Variants in DROSHA observed in about 807,000 individuals in gnomAD.
DROSHA encodes the protein drosha ribonuclease III.
DROSHA carries 56 observed loss-of-function variants against 181.9 expected under a neutral mutation model. That is an observed-to-expected ratio of 0.31 (90% CI 0.25 to 0.38). DROSHA has a LOEUF of 0.38. Among genes scored for constraint, DROSHA ranks in the 10% least tolerant of loss-of-function variants. The probability of loss-of-function intolerance (pLI) is 1.00; values close to 1 mark genes in which losing one functional copy is unlikely to be tolerated. For missense variants in DROSHA, 1,218 were observed against 1,743.5 expected, an observed-to-expected ratio of 0.70 and a Z score of 5.37; for synonymous variants, 524 against 591.2, an observed-to-expected ratio of 0.89 and a Z score of 1.65.
At position 31,400,791 on chromosome 5, in the gene DROSHA, A is replaced by T. The variant is rs2149980622; in HGVS notation, c.*641T>A. On this transcript the variant is annotated 3_prime_UTR_variant, in exon 36 of 36. Coordinates refer to ENST00000344624, the MANE Select transcript of DROSHA (RefSeq NM_001382508.1). ...CCCAGGGTGAGAGCACTTGGTTTAAAGTGTGGCCTGGCTTAGAATCATGAT... is the reference window on the plus strand; with the variant it reads ...CCCAGGGTGAGAGCACTTGGTTTAATGTGTGGCCTGGCTTAGAATCATGAT... 1 of 153,154 alleles carries T rather than the reference A, an allele frequency of 6.5e-6. No individual in the cohort carries two copies. The highest frequency in any genetic ancestry group is 1.9e-4 in the East Asian group (1 of 5,222). 9.5% of individuals were successfully genotyped at this position (153,154 alleles called of 1,614,324 possible).
At chr5:31,457,982 A>T (rs1010679677) in intron 20 of DROSHA, among the ~76,000 whole-genome samples, 8 of 152,228 alleles carry the variant, frequency 5.3e-5, no homozygotes, top group African/African-American at 9.6e-5. Flanking sequence ...TGGCATAACC[A>T]CGGGATACAG....
intron 19 of DROSHA, among the ~76,000 whole-genome samples, chr5:31,465,866 T>C (rs1748939243): frequency 6.6e-6 from 1 of 152,156 alleles, no homozygotes; most frequent in Non-Finnish European, 1.5e-5. Flanking sequence ...GCCAAGCAGA[T>C]GCTGGTGCCA....
chr5:31,445,427 C>T (rs940808379), intron 23 of DROSHA, among the ~76,000 whole-genome samples: 5 of 152,110 alleles, frequency 3.3e-5, no homozygotes, highest in Middle Eastern at 3.2e-3. Context: ...GAAAAGCTAA[C>T]GTACAAAACT....
intron 13 of DROSHA, chr5:31,488,876 T>C (rs1752081813): frequency 6.6e-6 from 1 of 152,170 alleles, no homozygotes; most frequent in Non-Finnish European, 1.5e-5. Context: ...ACAGTGACCA[T>C]TCTGATGTGG....
chr5:31,494,008 C>A (rs1752693094), intron 12 of DROSHA, among the ~76,000 whole-genome samples: 1 of 144,024 alleles, frequency 6.9e-6, no homozygotes, highest in Admixed American at 6.9e-5. Context: ...TCACTCTCTT[C>A]CCCAGGCTGG....
intron 16 of DROSHA, among the ~76,000 whole-genome samples, chr5:31,474,317 A>G (rs976389529): frequency 9.2e-5 from 14 of 152,154 alleles, no homozygotes; most frequent in Non-Finnish European, 8.8e-5. Context: ...CCATAGTGTT[A>G]TGGACTCAAT....
At position 31,526,538 on chromosome 5, in the gene DROSHA, A is replaced by T; in HGVS notation, c.395T>A (p.Val132Asp). 6.4e-7 allele frequency: 1 copy of T among 1,555,708 alleles called. No homozygotes were observed. The highest frequency in any genetic ancestry group is 1.2e-5 in the South Asian group (1 of 81,242). Residue 132 changes from valine (V) to aspartate (D), a missense_variant, in exon 5 of 36, where the codon GTC (valine) becomes GAC (aspartate). Transcript: ENST00000344624. Reference sequence around the variant, plus strand: ...GCCTTGTCCAGGAGGTGCCCCAGGGACTGGGGGGTTATTAGGACAAGGCAT... The same window carrying T: ...GCCTTGTCCAGGAGGTGCCCCAGGGTCTGGGGGGTTATTAGGACAAGGCAT... ...PPMPCPNNPP[V>D]PGAPPGQGTF...
intron 11 of DROSHA, among the ~76,000 whole-genome samples, chr5:31,496,679 C>G (rs1431633259): frequency 1.3e-5 from 2 of 152,206 alleles, no homozygotes; most frequent in East Asian, 3.8e-4. Flanking sequence ...GCTGCCTGCT[C>G]TATGCCCACA....
chr5:31,467,965 T>C lies in DROSHA; in HGVS notation c.2340A>G (p.Ala780=), dbSNP rs1196446565. ...PIIVHFGIRP[A]QLSYAGDPQY... Reference sequence around the variant, plus strand: ...GTGGGTCTCCTGCATAACTCAACTGTGCAGGGCGTATCCCAAAGTGGACGA... The same window carrying C: ...GTGGGTCTCCTGCATAACTCAACTGCGCAGGGCGTATCCCAAAGTGGACGA... The change falls in exon 18 of 36, where the codon GCA becomes GCG. Residue 780 remains alanine (A), a synonymous_variant. Coordinates refer to ENST00000344624, the MANE Select transcript of DROSHA (RefSeq NM_001382508.1). 6.2e-7 allele frequency: 1 copy of C among 1,611,772 alleles called. No homozygotes were observed. Among genetic ancestry groups the C allele is most frequent in the South Asian group, 1.1e-5 (1 of 90,230 alleles).
In DROSHA at chr5:31,453,767, T is replaced by C. The variant is rs73089527; in HGVS notation, c.2575-2127A>G. Among the ~76,000 whole-genome samples the C allele has an allele frequency of 5.3e-3, 805 of 152,198 alleles. 11 individuals are homozygous for C. The highest frequency in any genetic ancestry group is 0.018 in the African/African-American group (756 of 41,522). ...CCCTTTCGTGAGTACCTTGGAAGGG[T>C]ATAGATGACCCGTGTCCATCTTGAA... On this transcript the variant is annotated intron_variant, in intron 20 of 35. Transcript: ENST00000344624.
At chr5:31,494,176 T>C (rs531618008) in intron 12 of DROSHA, among the ~76,000 whole-genome samples, 2 of 152,090 alleles carry the variant, frequency 1.3e-5, no homozygotes, top group Admixed American at 6.5e-5. Flanking sequence ...CCATCCCTAC[T>C]AGGCTGGTCT....
At chr5:31,529,750 A>C (rs1239825525) in intron 3 of DROSHA, among the ~76,000 whole-genome samples, 1 of 148,294 alleles carries the variant, frequency 6.7e-6, no homozygotes, top group African/African-American at 2.6e-5. Context: ...AAAAAAAACA[A>C]AAAAAAAAAC....
rs1320142360 is a variant in DROSHA at position 31,447,403 on chromosome 5, A to C, written c.2882+1144T>G. 3.3e-5 allele frequency among the ~76,000 whole-genome samples: 5 copies of C among 152,344 alleles called. No homozygotes were observed. The East Asian group carries it at 9.6e-4, about 29-fold the overall frequency. Reference sequence around the variant, plus strand: ...TTTTAAAAAGATGGTAATGATTCCCAAATTGATCTACAGAATCAACATAAT... The same window carrying C: ...TTTTAAAAAGATGGTAATGATTCCCCAATTGATCTACAGAATCAACATAAT... On this transcript the variant is annotated intron_variant, in intron 23 of 35. Coordinates refer to ENST00000344624, the MANE Select transcript of DROSHA (RefSeq NM_001382508.1).
In DROSHA at chr5:31,515,154, T is replaced by C. The variant is rs752096579; in HGVS notation, c.1124A>G (p.Asn375Ser). ...GTTCTTGTCTTTGCCAGAACTCTGG[T>C]TGTCACTCCAACGGTCTTTTTCTTC... ...WEEEKDRWSD[N>S]QSSGKDKNYT... Residue 375 changes from asparagine (N) to serine (S), a missense_variant, in exon 8 of 36, where the codon AAC becomes AGC. By Grantham distance (46) the Asn-to-Ser change is conservative (BLOSUM62 1). Transcript: ENST00000344624. 2.5e-6 allele frequency: 4 copies of C among 1,613,978 alleles called. No homozygotes were observed. The highest frequency in any genetic ancestry group is 4.5e-5 in the East Asian group (2 of 44,876).
In DROSHA at chr5:31,526,393, G is replaced by T. The variant is rs546727561; in HGVS notation, c.540C>A (p.Pro180=). ...GGTTGTTCTGGAAACTATTAAAACT[G>T]GGAGGTGGGAAGTTGTGGTGAGAAT... ...PGYSHHNFPP[P]SFNSFQNNPS... Residue 180 remains proline, a synonymous_variant, in exon 5 of 36, where the codon CCC becomes CCA. Coordinates refer to ENST00000344624, the MANE Select transcript of DROSHA (RefSeq NM_001382508.1). 5.0e-6 allele frequency: 8 copies of T among 1,613,756 alleles called. No individual in the cohort carries two copies. In the South Asian group the frequency reaches 6.6e-5, roughly 13 times the overall value.
At chr5:31,528,378 C>G (rs1361376444) in intron 4 of DROSHA, among the ~76,000 whole-genome samples, 1 of 152,148 alleles carries the variant, frequency 6.6e-6, no homozygotes, top group Non-Finnish European at 1.5e-5. Context: ...TGACCTTGCC[C>G]TCCAAGACAA....
In DROSHA at chr5:31,510,887, ACTGC is replaced by A. The variant is rs140237402; in HGVS notation, c.1432+144_1432+147del. The A allele has an allele frequency of 6.1e-3, 5,878 of 965,384 alleles. 83 individuals are homozygous for A. Among genetic ancestry groups the A allele is most frequent in the African/African-American group, 0.033 (2,014 of 61,158 alleles). The allele number at this position is 965,384 out of a possible 1,614,324, so 59.8% of individuals were successfully genotyped here. A position where few individuals can be genotyped will look rare whatever the true frequency, so the allele number is the denominator to read the frequency against. On this transcript the variant is annotated intron_variant, in intron 9 of 35. Transcript: ENST00000344624. ...ATACGATCAAAAAGAAGGAAGTTCTACTGCTATGTATCTTACTGACTGTAATTAA... is the reference window on the plus strand; with the variant it reads ...ATACGATCAAAAAGAAGGAAGTTCTATATGTATCTTACTGACTGTAATTAA...
intron 9 of DROSHA, 50 bp from the exon 10 acceptor site, chr5:31,508,825 G>A (rs1738307216): frequency 4.8e-6 from 6 of 1,262,340 alleles, no homozygotes; most frequent in Non-Finnish European, 6.3e-6. Flanking sequence ...TTAACAAACT[G>A]GTTTTTTTTT....
intron 34 of DROSHA, among the ~76,000 whole-genome samples, chr5:31,406,281 G>A (rs991086427): frequency 6.6e-6 from 1 of 152,098 alleles, no homozygotes. Context: ...GCTGAGGGGG[G>A]GTTGGGACCA....
Sources: gnomAD v4.1 joint callset for allele counts (sites outside exome capture counted in the v4.1 genomes callset) on GRCh38, gnomAD v4.1.1 for gene constraint, MANE v1.5 for transcripts, NCBI Gene and HGNC (gene_info 2026-07-23, HGNC 2026-07-21) for gene names.